The following TSHZ2 variants were observed in gnomAD, a reference collection of about 807,000 sequenced individuals.
The protein encoded by TSHZ2 is teashirt homolog 2.
Under a neutral mutation model 74.4 loss-of-function variants are expected in TSHZ2, and 21 were observed. That is an observed-to-expected ratio of 0.28 (90% CI 0.20 to 0.41). The LOEUF is 0.41. Among genes scored for constraint, TSHZ2 ranks in the 10% least tolerant of loss-of-function variants. The probability of loss-of-function intolerance (pLI) is 1.00; values close to 1 mark genes in which losing one functional copy is unlikely to be tolerated. For synonymous variants in TSHZ2, 540 were observed against 515.3 expected (o/e 1.05, Z -0.65); for missense variants, 1,244 against 1,293.5 (o/e 0.96, Z 0.59).
At chr20:53,292,812 C>G (rs1181170812) in intron 2 of TSHZ2, among the ~76,000 whole-genome samples, 1 of 152,184 alleles carries the variant, frequency 6.6e-6, no homozygotes, top group Non-Finnish European at 1.5e-5. Context: ...CCCTCAATGG[C>G]CCTGTTATCA....
At chr20:53,222,933 G>GA (rs1989597400) in intron 1 of TSHZ2, among the ~76,000 whole-genome samples, 2 of 152,064 alleles carry the variant, frequency 1.3e-5, no homozygotes, top group Admixed American at 6.5e-5. Flanking sequence ...GCATTGTCCA[G>GA]AAAAAAAGCT....
At chr20:53,361,172 T>G (rs1385598185) in intron 2 of TSHZ2, among the ~76,000 whole-genome samples, 1 of 152,218 alleles carries the variant, frequency 6.6e-6, no homozygotes, top group Admixed American at 6.5e-5. Context: ...GCTTGTCAGA[T>G]TCTTCTGCAC....
intron 1 of TSHZ2, among the ~76,000 whole-genome samples, chr20:53,111,953 C>A (rs774924481): frequency 6.6e-6 from 1 of 152,178 alleles, no homozygotes; most frequent in Non-Finnish European, 1.5e-5. Context: ...TTGGTGCTGC[C>A]ACCGCCTTGC....
intron 1 of TSHZ2, among the ~76,000 whole-genome samples, chr20:53,120,612 T>C (rs1288692176): frequency 6.6e-6 from 1 of 152,184 alleles, no homozygotes; most frequent in East Asian, 1.9e-4. Context: ...AGGGAAAAAG[T>C]GGAAATTACA....
chr20:53,307,403 G>A (rs1978588640), intron 2 of TSHZ2, among the ~76,000 whole-genome samples: 1 of 152,064 alleles, frequency 6.6e-6, no homozygotes, highest in African/African-American at 2.4e-5. Context: ...GTCTTTCAGG[G>A]GCAACAGCAC....
chr20:53,428,213 G>T (rs940017566), intron 2 of TSHZ2, among the ~76,000 whole-genome samples: 1 of 152,200 alleles, frequency 6.6e-6, no homozygotes, highest in Non-Finnish European at 1.5e-5. Context: ...CAGAAATGGA[G>T]TTAGAGAATT....
chr20:53,295,504 C>T (rs760283333), intron 2 of TSHZ2, among the ~76,000 whole-genome samples: 6 of 152,046 alleles, frequency 3.9e-5, no homozygotes, highest in Admixed American at 2.6e-4. Flanking sequence ...CATCATAAAG[C>T]GGTGTTTCCC....
At chr20:53,342,936 T>A (rs1980268916) in intron 2 of TSHZ2, among the ~76,000 whole-genome samples, 1 of 141,374 alleles carries the variant, frequency 7.1e-6, no homozygotes, top group Admixed American at 7.1e-5. Context: ...CCCGTATTTC[T>A]TTTCTTTTCT....
In TSHZ2 at chr20:53,218,362, CA is replaced by C. The variant is rs969408947; in HGVS notation, c.41-35136del. 1.1e-4 allele frequency among the ~76,000 whole-genome samples: 16 copies of C among 152,368 alleles called. 1 individual carries two copies. Among genetic ancestry groups the C allele is most frequent in the Admixed American group, 7.2e-4 (11 of 15,310 alleles). On this transcript the variant is annotated intron_variant, in intron 1 of 2. Coordinates refer to ENST00000371497, the MANE Select transcript of TSHZ2 (RefSeq NM_173485.6). The stretch of plus-strand genomic sequence containing the variant: ...AGATCAAACTTTACAACAGTTGGCA[CA>C]GGGGCAAATGAATTCGGCTTGCCGA...
intron 2 of TSHZ2, among the ~76,000 whole-genome samples, chr20:53,270,671 C>A (rs75017649): frequency 1.8e-4 from 25 of 138,182 alleles, no homozygotes; most frequent in African/African-American, 4.6e-4. Flanking sequence ...GCCTCCCCCC[C>A]AAAAAAAGCT....
At chr20:53,454,019 T>C (rs531380342) in intron 2 of TSHZ2, among the ~76,000 whole-genome samples, 4 of 152,320 alleles carry the variant, frequency 2.6e-5, no homozygotes, top group African/African-American at 9.6e-5. Context: ...TATAACTTCA[T>C]ATACACACAT....
At chr20:53,127,685 C>T (rs1307396925) in intron 1 of TSHZ2, among the ~76,000 whole-genome samples, 12 of 152,244 alleles carry the variant, frequency 7.9e-5, no homozygotes, top group Non-Finnish European at 1.8e-4. Context: ...GTCAGGCATG[C>T]ACTCAGTTCT....
At chr20:53,083,885 G>A (rs1985610364) in intron 1 of TSHZ2, among the ~76,000 whole-genome samples, 1 of 151,816 alleles carries the variant, frequency 6.6e-6, no homozygotes. Context: ...TTTTTTAACT[G>A]TAAGCATTTA....
intron 1 of TSHZ2, among the ~76,000 whole-genome samples, chr20:53,058,122 T>C (rs1414749751): frequency 4.6e-5 from 7 of 152,266 alleles, no homozygotes; most frequent in African/African-American, 1.7e-4. Flanking sequence ...GTTTAGGCCC[T>C]TGAGAGAATC....
At chr20:53,388,205 C>A (rs1173447207) in intron 2 of TSHZ2, among the ~76,000 whole-genome samples, 2 of 152,140 alleles carry the variant, frequency 1.3e-5, no homozygotes, top group East Asian at 3.8e-4. Flanking sequence ...ATACACAGAT[C>A]CCATAAGAGA....
At chr20:53,130,074 A>G (rs1386834383) in intron 1 of TSHZ2, among the ~76,000 whole-genome samples, 2 of 151,914 alleles carry the variant, frequency 1.3e-5, no homozygotes, top group Non-Finnish European at 2.9e-5. Context: ...TAGGAAAAGA[A>G]AATGTTAGTT....
chr20:53,104,922 A>G (rs1986320633), intron 1 of TSHZ2, among the ~76,000 whole-genome samples: 1 of 152,152 alleles, frequency 6.6e-6, no homozygotes, highest in Non-Finnish European at 1.5e-5. Flanking sequence ...CTTTCCCGGG[A>G]GAGTTTTCTT....
At chr20:53,383,220 G>T (rs1981921861) in intron 2 of TSHZ2, among the ~76,000 whole-genome samples, 1 of 151,030 alleles carries the variant, frequency 6.6e-6, no homozygotes, top group Admixed American at 6.6e-5. Context: ...CCGAGATTGT[G>T]CCACTGCACT....
At chr20:53,283,342 C>CGAG (rs1310924665) in intron 2 of TSHZ2, among the ~76,000 whole-genome samples, 1 of 152,150 alleles carries the variant, frequency 6.6e-6, no homozygotes, top group Non-Finnish European at 1.5e-5. Flanking sequence ...TTACTATGTC[C>CGAG]GAGGCACTCT....
Sources: gnomAD v4.1 joint callset for allele counts (sites outside exome capture counted in the v4.1 genomes callset) on GRCh38, gnomAD v4.1.1 for gene constraint, MANE v1.5 for transcripts, NCBI Gene and HGNC (gene_info 2026-07-23, HGNC 2026-07-21) for gene names.